Variants in VAV3 observed in about 807,000 individuals in gnomAD.
The protein encoded by VAV3 is guanine nucleotide exchange factor VAV3.
VAV3 carries 94 observed loss-of-function variants against 131.2 expected under a neutral mutation model. The observed-to-expected ratio is 0.72, with a 90% CI of 0.61 to 0.85. The LOEUF (loss-of-function observed/expected upper bound fraction) is 0.85, where lower values mean the gene tolerates loss of function less well. Ranked by LOEUF, VAV3 falls within the 40% of genes least tolerant of loss-of-function variation. The probability of loss-of-function intolerance (pLI) is 0.00; values close to 1 mark genes in which losing one functional copy is unlikely to be tolerated. For synonymous variants in VAV3, 349 were observed against 342.0 expected (o/e 1.02, Z -0.22); for missense variants, 939 against 1,002.7 (o/e 0.94, Z 0.86).
At position 107,964,973 on chromosome 1, in the gene VAV3, C is replaced by G; in HGVS notation, c.-104G>C. ...CGCGCCCCGCCGACGCCAACAGCCG[C>G]CGGCCCTTTCCCCGCGCGGGATCGA... On this transcript the variant is annotated 5_prime_UTR_variant, in exon 1 of 27. Transcript: ENST00000370056. 1 of 1,002,344 alleles carries G rather than the reference C, an allele frequency of 1.0e-6. No individual in the cohort carries two copies. Among genetic ancestry groups the G allele is most frequent in the Non-Finnish European group, 1.3e-6 (1 of 794,804 alleles). The allele number at this position is 1,002,344 out of a possible 1,614,324, so 62.1% of individuals were successfully genotyped here. A position where few individuals can be genotyped will look rare whatever the true frequency, so the allele number is the denominator to read the frequency against.
chr1:107,863,663 C>T (rs1669850245), intron 2 of VAV3, among the ~76,000 whole-genome samples: 1 of 152,192 alleles, frequency 6.6e-6, no homozygotes, highest in Non-Finnish European at 1.5e-5. Context: ...TTTCCCTCTA[C>T]TTACGTATAT....
At chr1:107,875,159 G>A in intron 1 of VAV3, 142 bp from the exon 2 acceptor site, 2 of 695,402 alleles carry the variant, frequency 2.9e-6, no homozygotes, top group South Asian at 3.6e-5. Context: ...TCATTCAGCA[G>A]TACTGACCGA....
At chr1:107,765,816 T>G (rs1243330969) in intron 8 of VAV3, among the ~76,000 whole-genome samples, 1 of 152,202 alleles carries the variant, frequency 6.6e-6, no homozygotes. Flanking sequence ...AAGACACTAC[T>G]AATAAAATGT....
At chr1:107,897,195 G>A (rs747868931) in intron 1 of VAV3, 2 of 151,680 alleles carry the variant, frequency 1.3e-5, no homozygotes, top group Non-Finnish European at 1.5e-5. Context: ...AGACACAGCA[G>A]TAAATATATA....
At chr1:107,686,069 C>G (rs1373446003) in intron 18 of VAV3, 2 of 151,088 alleles carry the variant, frequency 1.3e-5, no homozygotes, top group African/African-American at 2.4e-5. Context: ...AAACTCAATT[C>G]TATAAGCACT....
In VAV3 at chr1:107,697,913, T is replaced by C. The variant is rs916039224; in HGVS notation, c.1705+6637A>G. Reference sequence around the variant, plus strand: ...TGAGAAAGGCAAGCACATGATTACTTACTAGGATTCAGTACTGGGCTTTTG... The same window carrying C: ...TGAGAAAGGCAAGCACATGATTACTCACTAGGATTCAGTACTGGGCTTTTG... On this transcript the variant is annotated intron_variant, in intron 17 of 26. Coordinates refer to ENST00000370056, the MANE Select transcript of VAV3 (RefSeq NM_006113.5). Among the ~76,000 whole-genome samples the C allele has an allele frequency of 2.0e-5, 3 of 152,212 alleles. No individual in the cohort carries two copies. In the East Asian group the frequency reaches 5.8e-4, roughly 29 times the overall value.
At chr1:107,774,175 T>C (rs978324440) in intron 4 of VAV3, among the ~76,000 whole-genome samples, 13 of 152,146 alleles carry the variant, frequency 8.5e-5, no homozygotes, top group Middle Eastern at 3.2e-3. Flanking sequence ...CCAGCGATTC[T>C]TCTGCCTCAG....
chr1:107,918,706 T>TATATA (rs1491228523), intron 1 of VAV3, among the ~76,000 whole-genome samples: 11 of 51,474 alleles, frequency 2.1e-4, no homozygotes, highest in East Asian at 4.5e-4. Context: ...TATATATATA[T>TATATA]TTTTTTTTTT....
chr1:107,961,295 T>A (rs1280158589), intron 1 of VAV3, among the ~76,000 whole-genome samples: 1 of 152,154 alleles, frequency 6.6e-6, no homozygotes, highest in Non-Finnish European at 1.5e-5. Flanking sequence ...TAGGCATTCA[T>A]GAAGATCTTC....
chr1:107,749,971 T>C (rs1382342848), intron 13 of VAV3, among the ~76,000 whole-genome samples: 1 of 150,826 alleles, frequency 6.6e-6, no homozygotes. Context: ...CCGTAGCAGC[T>C]TCTACTGAAG....
chr1:107,600,119 G>A (rs113237675), intron 24 of VAV3, among the ~76,000 whole-genome samples: 2,264 of 152,006 alleles, frequency 0.015, 21 homozygotes, highest in Middle Eastern at 0.048. Context: ...TGGTGTAGAC[G>A]TATTTACTGA....
intron 2 of VAV3, among the ~76,000 whole-genome samples, chr1:107,864,603 T>C (rs1669895649): frequency 1.3e-5 from 2 of 152,160 alleles, no homozygotes; most frequent in African/African-American, 2.4e-5. Context: ...AGCCTAGGCA[T>C]GGAGGGTGAA....
intron 1 of VAV3, among the ~76,000 whole-genome samples, chr1:107,939,030 T>C (rs1043174226): frequency 6.6e-6 from 1 of 152,222 alleles, no homozygotes; most frequent in Non-Finnish European, 1.5e-5. Context: ...TTCCCTTTTC[T>C]GACCATAAAT....
chr1:107,863,432 T>C (rs942803725), intron 2 of VAV3, among the ~76,000 whole-genome samples: 1 of 151,700 alleles, frequency 6.6e-6, no homozygotes, highest in African/African-American at 2.4e-5. Context: ...CTCCTGTCTA[T>C]GGTCATCTCC....
In VAV3 at chr1:107,889,564, G is replaced by A. The variant is rs115078884; in HGVS notation, c.205-14547C>T. 6.6e-3 allele frequency among the ~76,000 whole-genome samples: 1,003 copies of A among 152,174 alleles called. 3 individuals carry two copies. Among genetic ancestry groups the A allele is most frequent in the Non-Finnish European group, 9.3e-3 (633 of 68,012 alleles). Reference sequence around the variant, plus strand: ...AAAAAAACTGGTTTAGGCAGAAAGAGCTATATATACTATTATGGCTGTTTA... The same window carrying A: ...AAAAAAACTGGTTTAGGCAGAAAGAACTATATATACTATTATGGCTGTTTA... On this transcript the variant is annotated intron_variant, in intron 1 of 26. Coordinates refer to ENST00000370056, the MANE Select transcript of VAV3 (RefSeq NM_006113.5).
At chr1:107,595,665 T>C (rs561146058) in intron 25 of VAV3, among the ~76,000 whole-genome samples, 1 of 152,170 alleles carries the variant, frequency 6.6e-6, no homozygotes, top group Non-Finnish European at 1.5e-5. Flanking sequence ...TTTGTTTGCA[T>C]GCTAATCTTT....
At chr1:107,774,996 C>T (rs1181814447) in intron 4 of VAV3, among the ~76,000 whole-genome samples, 1 of 151,804 alleles carries the variant, frequency 6.6e-6, no homozygotes, top group East Asian at 1.9e-4. Flanking sequence ...TGCTTGAGCC[C>T]AGGAGTTGGA....
intron 20 of VAV3, among the ~76,000 whole-genome samples, chr1:107,618,940 A>G (rs920628852): frequency 2.6e-5 from 4 of 152,230 alleles, no homozygotes; most frequent in Admixed American, 2.6e-4. Context: ...ACTTGCACCA[A>G]TGTGGAATAT....
intron 9 of VAV3, 111 bp downstream of exon 9, chr1:107,764,965 G>A (rs1288576761): frequency 1.5e-6 from 1 of 668,564 alleles, no homozygotes; most frequent in South Asian, 2.2e-5. Flanking sequence ...AAATTGACAT[G>A]AAATTATATT....
Sources: gnomAD v4.1 joint callset for allele counts (sites outside exome capture counted in the v4.1 genomes callset) on GRCh38, gnomAD v4.1.1 for gene constraint, MANE v1.5 for transcripts, NCBI Gene and HGNC (gene_info 2026-07-23, HGNC 2026-07-21) for gene names.